CLCN5: variants seen among roughly 807,000 people sequenced by gnomAD.
The protein encoded by CLCN5 is Cl-/H+ antiporter 5.
Under a neutral mutation model 54.0 loss-of-function variants are expected in CLCN5, and 17 were observed. That is an observed-to-expected ratio of 0.31 (90% CI 0.22 to 0.47). The LOEUF is 0.47. CLCN5 is among the 20% of genes least tolerant of loss of function. The pLI, the probability that CLCN5 is intolerant of heterozygous loss-of-function variation, is 1.00. For synonymous variants in CLCN5, 222 were observed against 233.0 expected, an observed-to-expected ratio of 0.95 and a Z score of 0.43; for missense variants, 448 against 646.7, an observed-to-expected ratio of 0.69 and a Z score of 3.33.
At chrX:49,936,365 G>A (rs1557169690) in intron 3 of CLCN5, among the ~76,000 whole-genome samples, 1 of 111,673 alleles carries the variant, frequency 9.0e-6, no homozygotes, top group African/African-American at 3.3e-5. Context: ...AGATAATTAT[G>A]GGTAGTGGTG....
chrX:50,080,571 G>C, intron 7 of CLCN5, 23 bp from the exon 8 acceptor site: 6 of 1,197,604 alleles, frequency 5.0e-6, no homozygotes, highest in Non-Finnish European at 5.6e-6. Context: ...GCTAAAACAA[G>C]CTTCTTTTTC....
In CLCN5 at chrX:50,016,839, C is replaced by T. The variant is rs977794098; in HGVS notation, c.17-25477C>T. 3.6e-5 allele frequency among the ~76,000 whole-genome samples: 4 copies of T among 109,702 alleles called. No homozygotes were observed. In the East Asian group the frequency reaches 1.1e-3, roughly 31 times the overall value. On this transcript the variant is annotated intron_variant, in intron 3 of 14. Transcript: ENST00000376091. ...ATAGTTAGAATCATACATTATGCAG[C>T]CTTTTCAGAATGGCTTATTTTACTT... is the stretch of plus-strand genomic sequence containing the variant.
chrX:50,085,581 A>T, intron 9 of CLCN5: 1 of 236,545 alleles, frequency 4.2e-6, no homozygotes, highest in Non-Finnish European at 7.8e-6. Flanking sequence ...CTTCTTGAAC[A>T]TCTCATTTAA....
At chrX:49,937,067 TAG>T (rs1278325282) in intron 3 of CLCN5, among the ~76,000 whole-genome samples, 3 of 111,296 alleles carry the variant, frequency 2.7e-5, no homozygotes, top group Non-Finnish European at 5.7e-5. Context: ...GCCTGGGTGA[TAG>T]AGTAAGACAG....
At chrX:50,013,049 G>A (rs1351874148) in intron 3 of CLCN5, among the ~76,000 whole-genome samples, 1 of 111,427 alleles carries the variant, frequency 9.0e-6, no homozygotes, top group Non-Finnish European at 1.9e-5. Flanking sequence ...ATGAGGCTAA[G>A]TGAACACACA....
At chrX:49,937,255 A>G (rs782020342) in intron 3 of CLCN5, among the ~76,000 whole-genome samples, 4 of 112,145 alleles carry the variant, frequency 3.6e-5, no homozygotes, top group African/African-American at 1.3e-4. Context: ...AATTTCTAGG[A>G]TGACGCACAA....
intron 3 of CLCN5, among the ~76,000 whole-genome samples, chrX:50,002,655 CTG>C (rs1557180574): frequency 3.9e-5 from 4 of 101,923 alleles, no homozygotes; most frequent in African/African-American, 1.6e-4. Flanking sequence ...GTCTCTGTCT[CTG>C]TCTCTGTCTC....
At chrX:49,939,545 A>G (rs1187276609) in intron 3 of CLCN5, among the ~76,000 whole-genome samples, 1 of 111,072 alleles carries the variant, frequency 9.0e-6, no homozygotes. Context: ...AGGACAAAAA[A>G]CCAAACACTG....
At chrX:50,013,977 C>T (rs1366147110) in intron 3 of CLCN5, among the ~76,000 whole-genome samples, 3 of 112,072 alleles carry the variant, frequency 2.7e-5, no homozygotes, top group African/African-American at 9.7e-5. Flanking sequence ...TCAGAGATGC[C>T]GACCTTACTG....
At chrX:50,053,125 G>A (rs925252519) in intron 4 of CLCN5, among the ~76,000 whole-genome samples, 3 of 111,582 alleles carry the variant, frequency 2.7e-5, no homozygotes. Flanking sequence ...CAAAATATGT[G>A]TAAACTTGAG....
chrX:50,040,991 A>G (rs1051909340), intron 3 of CLCN5, among the ~76,000 whole-genome samples: 18 of 112,384 alleles, frequency 1.6e-4, no homozygotes, highest in Non-Finnish European at 2.8e-4. Flanking sequence ...CCTTATCTAC[A>G]CTAGGAGTGA....
intron 11 of CLCN5, among the ~76,000 whole-genome samples, chrX:50,087,676 G>A (rs1933937083): frequency 9.0e-6 from 1 of 111,591 alleles, no homozygotes; most frequent in Admixed American, 9.5e-5. Context: ...AGGCATTATT[G>A]TAATCTCTAA....
intron 4 of CLCN5, among the ~76,000 whole-genome samples, chrX:50,064,877 C>A (rs1229332345): frequency 9.3e-6 from 1 of 107,535 alleles, no homozygotes; most frequent in Non-Finnish European, 1.9e-5. Context: ...ACTATCTGAT[C>A]TTTGACAAAC....
intron 3 of CLCN5, among the ~76,000 whole-genome samples, chrX:50,019,395 G>A (rs886980711): frequency 3.7e-5 from 4 of 106,906 alleles, no homozygotes; most frequent in East Asian, 2.9e-4. Context: ...ATCAGATCAC[G>A]GTATTATTTT....
At chrX:49,924,107 C>T (rs1925208631) in intron 2 of CLCN5, among the ~76,000 whole-genome samples, 1 of 108,700 alleles carries the variant, frequency 9.2e-6, no homozygotes, top group South Asian at 3.9e-4. Context: ...CAAACTAAGT[C>T]GTCAGACCTC....
intron 3 of CLCN5, among the ~76,000 whole-genome samples, chrX:49,945,979 A>G (rs1557172050): frequency 1.0e-5 from 1 of 99,814 alleles, no homozygotes; most frequent in African/African-American, 3.8e-5. Context: ...CTGGTCTTGA[A>G]CTCCTGAGCT....
intron 7 of CLCN5, among the ~76,000 whole-genome samples, chrX:50,078,100 G>A (rs1333183377): frequency 9.1e-6 from 1 of 109,957 alleles, no homozygotes; most frequent in East Asian, 2.9e-4. Context: ...CAGCACTTTG[G>A]GAGGCTGAGG....
intron 3 of CLCN5, among the ~76,000 whole-genome samples, chrX:49,963,605 A>T (rs1927710172): frequency 8.9e-6 from 1 of 112,156 alleles, no homozygotes; most frequent in Admixed American, 9.4e-5. Context: ...TTTGATTTCC[A>T]TCCTTAGAAG....
At chrX:49,929,953 A>G (rs1285846993) in intron 3 of CLCN5, among the ~76,000 whole-genome samples, 1 of 111,360 alleles carries the variant, frequency 9.0e-6, no homozygotes, top group African/African-American at 3.3e-5. Context: ...TGCACAAACC[A>G]TAAATAAAGT....
Sources: allele counts gnomAD v4.1 joint callset (sites outside exome capture counted in the v4.1 genomes callset), GRCh38; gene constraint gnomAD v4.1.1; transcripts MANE v1.5; gene names NCBI Gene and HGNC (gene_info 2026-07-23, HGNC 2026-07-21).